Variants in MTUS1 observed in about 807,000 individuals in gnomAD.
MTUS1 encodes microtubule associated scaffold protein 1.
Under a neutral mutation model 120.8 loss-of-function variants are expected in MTUS1, and 109 were observed. The ratio of observed to expected loss-of-function variants is 0.90; its 90% CI spans 0.77 to 1.06. The LOEUF is 1.06. Ranked by LOEUF, MTUS1 falls within the 50% of genes least tolerant of loss-of-function variation. MTUS1 has a pLI of 0.00. For missense variants in MTUS1, 2,210 were observed against 1,486.3 expected, an observed-to-expected ratio of 1.49 and a Z score of -8.01; for synonymous variants, 737 against 550.5, an observed-to-expected ratio of 1.34 and a Z score of -4.74.
At chr8:17,800,955 C>T (rs919229282) in intron 1 of MTUS1, 106 bp downstream of exon 1, 1 of 152,450 alleles carries the variant, frequency 6.6e-6, no homozygotes, top group African/African-American at 2.4e-5. Context: ...TGGAACGCCC[C>T]CTCCCCTCCC....
At chr8:17,717,764 T>C (rs531700345) in intron 4 of MTUS1, among the ~76,000 whole-genome samples, 11 of 152,140 alleles carry the variant, frequency 7.2e-5, no homozygotes, top group African/African-American at 2.6e-4. Context: ...ACATGCAAAA[T>C]AGGAGGTGGT....
chr8:17,725,223 T>C (rs1471756612), intron 3 of MTUS1, among the ~76,000 whole-genome samples: 1 of 152,208 alleles, frequency 6.6e-6, no homozygotes, highest in Non-Finnish European at 1.5e-5. Flanking sequence ...TTGTTGCGTA[T>C]CACTAAGGAT....
chr8:17,784,594 G>A (rs2051146986), intron 1 of MTUS1, among the ~76,000 whole-genome samples: 1 of 151,694 alleles, frequency 6.6e-6, no homozygotes, highest in African/African-American at 2.4e-5. Flanking sequence ...CATATTAAGA[G>A]ACTTTCAAGA....
At chr8:17,715,942 A>G in intron 4 of MTUS1, 41 bp from the exon 5 acceptor site, 7 of 1,580,022 alleles carry the variant, frequency 4.4e-6, no homozygotes, top group Non-Finnish European at 6.0e-6. Flanking sequence ...GTATAGATAA[A>G]CACAGTTTCG....
intron 1 of MTUS1, among the ~76,000 whole-genome samples, chr8:17,769,473 C>A (rs561015738): frequency 6.0e-5 from 9 of 150,966 alleles, no homozygotes; most frequent in Admixed American, 1.3e-4. Context: ...TCAGCCTCCC[C>A]AGTAGCTGGG....
chr8:17,768,733 A>C (rs181632214), intron 1 of MTUS1, among the ~76,000 whole-genome samples: 39 of 152,256 alleles, frequency 2.6e-4, no homozygotes, highest in African/African-American at 9.4e-4. Context: ...CAAAAAACAA[A>C]AACAAAAAAC....
In MTUS1 at chr8:17,705,139, G is replaced by A. The variant is rs151229451; in HGVS notation, c.2623+8075C>T. Among the ~76,000 whole-genome samples the A allele has an allele frequency of 2.8e-4, 42 of 152,120 alleles. No homozygotes were observed. In the East Asian group the frequency reaches 3.9e-3, roughly 14 times the overall value. On this transcript the variant is annotated intron_variant, in intron 6 of 14. Transcript: ENST00000693296. ...TGGGACTACAAGTGTGCACAACCAC[G>A]TGCAGCTAATTTTTTTGTATTTTTG...
Position 17,708,006 on chromosome 8 carries a change from A to T in MTUS1, c.2623+5208T>A, listed in dbSNP as rs570396998. Among the ~76,000 whole-genome samples, 139 of 152,330 alleles carry T rather than the reference A, an allele frequency of 9.1e-4. 1 individual carries two copies. The highest frequency in any genetic ancestry group is 3.3e-3 in the African/African-American group (138 of 41,578). On this transcript the variant is annotated intron_variant, in intron 6 of 14. Coordinates refer to ENST00000693296, the MANE Select transcript of MTUS1 (RefSeq NM_001363059.2). Reference sequence around the variant, plus strand: ...ACAGCTAGAATAGCAAAAAAAACTTAAATGAAAACACAGGCTTAAATCTTC... The same window carrying T: ...ACAGCTAGAATAGCAAAAAAAACTTTAATGAAAACACAGGCTTAAATCTTC...
chr8:17,717,916 A>T (rs1822649403), intron 4 of MTUS1, among the ~76,000 whole-genome samples: 3 of 152,180 alleles, frequency 2.0e-5, no homozygotes, highest in Non-Finnish European at 4.4e-5. Context: ...TCTGCGTTTG[A>T]CTCAGGTACA....
At chr8:17,733,346 G>C (rs2046720046) in intron 3 of MTUS1, among the ~76,000 whole-genome samples, 1 of 146,934 alleles carries the variant, frequency 6.8e-6, no homozygotes, top group Non-Finnish European at 1.5e-5. Flanking sequence ...GCAAGACTGT[G>C]CCTCAAAAAA....
At chr8:17,738,407 AGAG>A (rs2131228710) in intron 3 of MTUS1, among the ~76,000 whole-genome samples, 1 of 152,352 alleles carries the variant, frequency 6.6e-6, no homozygotes, top group South Asian at 2.1e-4. Flanking sequence ...TCATGTGTGT[AGAG>A]AAGAACACAG....
At position 17,755,705 on chromosome 8, in the gene MTUS1, G is replaced by T. The variant is rs368852799; in HGVS notation, c.103C>A (p.Pro35Thr). ...NTHAYNPKSPPTQNSSASSVN... is the reference protein window; with the variant it reads ...NTHAYNPKSPTTQNSSASSVN... Reference sequence around the variant, plus strand: ...CTGCTGGCTGAAGAGTTTTGTGTAGGTGGTGATTTCGGGTTGTATGCATGT... The same window carrying T: ...CTGCTGGCTGAAGAGTTTTGTGTAGTTGGTGATTTCGGGTTGTATGCATGT... Residue 35 changes from proline to threonine, a missense_variant, in exon 2 of 15, where the codon CCT (proline) becomes ACT (threonine). By Grantham distance (38) the Pro-to-Thr change is conservative (BLOSUM62 -1). Transcript: ENST00000693296. 19 of 1,614,082 alleles carry T rather than the reference G, an allele frequency of 1.2e-5. No homozygotes were observed. Among genetic ancestry groups the T allele is most frequent in the Non-Finnish European group, 1.6e-5 (19 of 1,180,034 alleles).
chr8:17,762,485 T>C (rs1171694039), intron 1 of MTUS1, among the ~76,000 whole-genome samples: 1 of 152,162 alleles, frequency 6.6e-6, no homozygotes, highest in Non-Finnish European at 1.5e-5. Context: ...CTACCTTTCA[T>C]CAAACTTAAT....
intron 3 of MTUS1, among the ~76,000 whole-genome samples, chr8:17,728,364 C>T (rs2904728): frequency 0.15 from 23,330 of 152,144 alleles, 1,870 homozygotes; most frequent in Non-Finnish European, 0.16. Context: ...CGTGGCCTCC[C>T]AAAGTGCTGG....
At chr8:17,769,232 CTTTTTTTT>C (rs35061390) in intron 1 of MTUS1, among the ~76,000 whole-genome samples, 1 of 131,302 alleles carries the variant, frequency 7.6e-6, no homozygotes, top group Non-Finnish European at 1.6e-5. Flanking sequence ...GCTTTTATTC[CTTTTTTTT>C]TTTTTTTTTT....
intron 8 of MTUS1, among the ~76,000 whole-genome samples, chr8:17,668,366 T>C (rs1651355694): frequency 5.9e-5 from 9 of 152,180 alleles, no homozygotes; most frequent in Admixed American, 5.9e-4. Flanking sequence ...AGGATTAACA[T>C]TAATGAAAAG....
At chr8:17,700,661 T>C (rs1416295913) in intron 6 of MTUS1, among the ~76,000 whole-genome samples, 2 of 151,986 alleles carry the variant, frequency 1.3e-5, no homozygotes, top group East Asian at 1.9e-4. Context: ...TTCTATTTTT[T>C]CTTTATTATA....
intron 1 of MTUS1, among the ~76,000 whole-genome samples, chr8:17,776,580 G>A (rs951839042): frequency 6.7e-6 from 1 of 149,996 alleles, no homozygotes; most frequent in Non-Finnish European, 1.5e-5. Flanking sequence ...TTGGGAGGCT[G>A]AGGCAGCAGA....
At chr8:17,711,479 C>T (rs1051113021) in intron 6 of MTUS1, among the ~76,000 whole-genome samples, 2 of 152,118 alleles carry the variant, frequency 1.3e-5, no homozygotes, top group Non-Finnish European at 2.9e-5. Flanking sequence ...GCTCCCTCAC[C>T]TCTCTCAGCC....
Sources: gnomAD v4.1 joint callset for allele counts (sites outside exome capture counted in the v4.1 genomes callset) on GRCh38, gnomAD v4.1.1 for gene constraint, MANE v1.5 for transcripts, NCBI Gene and HGNC (gene_info 2026-07-23, HGNC 2026-07-21) for gene names.